The following ASPRV1 variants were observed in gnomAD, a reference collection of about 807,000 sequenced individuals.
ASPRV1 encodes the protein retroviral-like aspartic protease 1.
Under a neutral mutation model 11.0 loss-of-function variants are expected in ASPRV1, and 7 were observed. That is an observed-to-expected ratio of 0.64 (90% confidence interval 0.36 to 1.20). The LOEUF is 1.20. Among genes scored for constraint, ASPRV1 ranks in the 50% most tolerant of loss-of-function variants. The pLI is 0.02. For synonymous variants in ASPRV1, 136 were observed against 138.4 expected, an observed-to-expected ratio of 0.98 and a Z score of 0.12; for missense variants, 299 against 320.0, an observed-to-expected ratio of 0.93 and a Z score of 0.50.
chr2:70,022,325 T>C, the ASPRV1 span, among the ~76,000 whole-genome samples: 1 of 148,780 alleles, frequency 6.7e-6, no homozygotes, highest in Non-Finnish European at 1.5e-5. Context: ...TAATACATGT[T>C]GTCTTAAGTG....
the ASPRV1 span, among the ~76,000 whole-genome samples, chr2:69,978,264 A>C: frequency 6.6e-6 from 1 of 152,034 alleles, no homozygotes; most frequent in Non-Finnish European, 1.5e-5. Flanking sequence ...CCACCCCTCC[A>C]AGCCTCCAGG....
At chr2:70,062,787 C>T in the ASPRV1 span, among the ~76,000 whole-genome samples, 149 of 152,178 alleles carry the variant, frequency 9.8e-4, 1 homozygote, top group African/African-American at 3.5e-3. Flanking sequence ...GGCAACATAG[C>T]GAGACCTTGT....
upstream of ASPRV1, among the ~76,000 whole-genome samples, chr2:69,963,994 T>C (rs565756484): frequency 7.9e-5 from 12 of 152,148 alleles, no homozygotes; most frequent in Non-Finnish European, 1.8e-4. Flanking sequence ...AATTGGTACT[T>C]GAAATCAGAC....
the ASPRV1 span, among the ~76,000 whole-genome samples, chr2:70,063,172 T>C: frequency 2.0e-5 from 3 of 152,128 alleles, no homozygotes; most frequent in Non-Finnish European, 4.4e-5. Context: ...TACAAAAACA[T>C]TCAGAACACC....
At chr2:70,066,472 C>G in the ASPRV1 span, among the ~76,000 whole-genome samples, 1 of 152,108 alleles carries the variant, frequency 6.6e-6, no homozygotes, top group African/African-American at 2.4e-5. Context: ...CTCCTGACCT[C>G]AGATGATCCA....
At chr2:70,022,385 A>C in the ASPRV1 span, among the ~76,000 whole-genome samples, 1 of 140,008 alleles carries the variant, frequency 7.1e-6, no homozygotes, top group South Asian at 2.6e-4. Context: ...ACACACACAC[A>C]CACACACAAA....
chr2:70,012,552 C>A, the ASPRV1 span, among the ~76,000 whole-genome samples: 1 of 152,132 alleles, frequency 6.6e-6, no homozygotes, highest in Admixed American at 6.6e-5. Context: ...GTATTTGGTG[C>A]CTTCTAGAGC....
At chr2:69,962,199 G>GACACACACACAC (rs56262722), upstream of ASPRV1, 2 of 159,994 alleles carry the variant, frequency 1.3e-5, no homozygotes, top group Non-Finnish European at 3.0e-5. Flanking sequence ...AGTGAGTGAG[G>GACACACACACAC]ACACACACAC....
the ASPRV1 span, among the ~76,000 whole-genome samples, chr2:70,025,816 A>C: frequency 6.6e-6 from 1 of 152,222 alleles, no homozygotes; most frequent in Non-Finnish European, 1.5e-5. Context: ...GACCATACCA[A>C]AGGCCAGGAC....
the ASPRV1 span, among the ~76,000 whole-genome samples, chr2:70,014,796 C>CAAAAAAA: frequency 1.6e-3 from 121 of 73,722 alleles, no homozygotes; most frequent in African/African-American, 3.0e-3. Flanking sequence ...GACCTTGTCT[C>CAAAAAAA]AAAAAAAAAA....
the ASPRV1 span, among the ~76,000 whole-genome samples, chr2:69,981,633 T>C: frequency 7.9e-5 from 12 of 152,344 alleles, no homozygotes; most frequent in Middle Eastern, 6.8e-3. Context: ...CTCGGCTCAC[T>C]GCAACCTCCG....
the ASPRV1 span, among the ~76,000 whole-genome samples, chr2:70,033,897 G>A: frequency 6.6e-6 from 1 of 152,064 alleles, no homozygotes; most frequent in Non-Finnish European, 1.5e-5. Flanking sequence ...GCTCACGCCT[G>A]TAATCCCAGC....
the ASPRV1 span, among the ~76,000 whole-genome samples, chr2:69,947,079 C>T: frequency 6.6e-6 from 1 of 152,186 alleles, no homozygotes; most frequent in African/African-American, 2.4e-5. Flanking sequence ...AGAGCTCTAC[C>T]CAGACGGGGA....
chr2:70,074,133 CA>C, the ASPRV1 span, among the ~76,000 whole-genome samples: 617 of 7,796 alleles, frequency 0.079, 5 homozygotes, highest in African/African-American at 0.19. Context: ...AACTTCATCT[CA>C]AAAAAAAAAA....
chr2:69,971,813 G>A, the ASPRV1 span, among the ~76,000 whole-genome samples: 18 of 152,174 alleles, frequency 1.2e-4, no homozygotes, highest in Non-Finnish European at 2.4e-4. Context: ...GGAGAAAGGT[G>A]CCTCTGCGCA....
the ASPRV1 span, among the ~76,000 whole-genome samples, chr2:70,039,947 A>C: frequency 3.3e-5 from 5 of 152,230 alleles, no homozygotes; most frequent in Non-Finnish European, 5.9e-5. Context: ...TGATGCTCCT[A>C]AATCAAGGAA....
At chr2:70,069,302 G>T in the ASPRV1 span, 1 of 152,310 alleles carries the variant, frequency 6.6e-6, no homozygotes, top group African/African-American at 2.4e-5. Flanking sequence ...GGGACTGAAG[G>T]GCTGGGGAAA....
the ASPRV1 span, among the ~76,000 whole-genome samples, chr2:69,951,560 T>C: frequency 6.7e-6 from 1 of 149,664 alleles, no homozygotes; most frequent in African/African-American, 2.4e-5. Context: ...ACATATCATA[T>C]ATATATCTAT....
At chr2:70,034,154 TAAA>T in the ASPRV1 span, among the ~76,000 whole-genome samples, 78 of 69,228 alleles carry the variant, frequency 1.1e-3, no homozygotes, top group African/African-American at 4.1e-3. Context: ...CTCCATCTCA[TAAA>T]AAAAAAAAAA....
Sources: gnomAD v4.1 joint callset for allele counts (sites outside exome capture counted in the v4.1 genomes callset) on GRCh38, gnomAD v4.1.1 for gene constraint, MANE v1.5 for transcripts, NCBI Gene and HGNC (gene_info 2026-07-23, HGNC 2026-07-21) for gene names.